Variants in DNASE2B observed in about 807,000 individuals in gnomAD.
DNASE2B encodes the protein deoxyribonuclease-2-beta.
In DNASE2B, 43 loss-of-function variants were observed where a neutral mutation model predicts 46.0. That is an observed-to-expected ratio of 0.94 (90% confidence interval 0.73 to 1.21). DNASE2B has a LOEUF of 1.21. Among genes scored for constraint, DNASE2B ranks in the 50% most tolerant of loss-of-function variants. The probability of loss-of-function intolerance (pLI) is 0.00; values close to 1 mark genes in which losing one functional copy is unlikely to be tolerated. For synonymous variants in DNASE2B, 156 were observed against 152.5 expected, an observed-to-expected ratio of 1.02 and a Z score of -0.17; for missense variants, 395 against 414.4, an observed-to-expected ratio of 0.95 and a Z score of 0.41.
chr1:84,413,987 C>T (rs1680646860), intron 5 of DNASE2B, among the ~76,000 whole-genome samples: 1 of 152,202 alleles, frequency 6.6e-6, no homozygotes, highest in Non-Finnish European at 1.5e-5. Context: ...ATGGGTCACA[C>T]CTGTGTTTAT....
chr1:84,401,023 T>G (rs541694666), intron 1 of DNASE2B, among the ~76,000 whole-genome samples: 1 of 152,152 alleles, frequency 6.6e-6, no homozygotes, highest in East Asian at 1.9e-4. Context: ...ATGGTAATAG[T>G]GTATATATTA....
Position 84,409,228 on chromosome 1 carries a change from T to C in DNASE2B, c.385+710T>C, listed in dbSNP as rs188359659. On this transcript the variant is annotated intron_variant, in intron 3 of 5. Transcript: ENST00000370665. ...TTAAAACATTTTTACAAAACTACTG[T>C]AATGACTATTTTTCAACCTTTTTTC... Among the ~76,000 whole-genome samples the C allele has an allele frequency of 3.9e-5, 6 of 152,320 alleles. No individual in the cohort carries two copies. In the East Asian group the frequency reaches 1.2e-3, roughly 29 times the overall value.
chr1:84,411,443 TGTG>T (rs1558503392), intron 4 of DNASE2B, among the ~76,000 whole-genome samples: 8 of 17,596 alleles, frequency 4.5e-4, no homozygotes, highest in African/African-American at 1.9e-3. Context: ...TGTGTGTGTG[TGTG>T]TGTGTGTGTG....
chr1:84,411,208 G>T (rs962875256), intron 4 of DNASE2B, among the ~76,000 whole-genome samples: 1 of 152,124 alleles, frequency 6.6e-6, no homozygotes, highest in African/African-American at 2.4e-5. Context: ...TGTTGAACTT[G>T]ATCAGGGCAG....
chr1:84,412,495 G>T lies in DNASE2B; in HGVS notation c.694G>T (p.Ala232Ser). Residue 232 changes from alanine (A) to serine (S), a missense_variant, in exon 5 of 6, where the codon GCC becomes TCC. Physicochemically the swap from Ala to Ser is moderately conservative, Grantham distance 99 (BLOSUM62 1). Coordinates refer to ENST00000370665, the MANE Select transcript of DNASE2B (RefSeq NM_021233.3). ...PGRLLTTLQS[A>S]QGQKFLHFAK... is the part of the protein sequence containing the mutation. ...CAGGCTCCTCACCACACTTCAGTCG[G>T]CCCAGGGACAAAAATTCCTCCATTT... The T allele has an allele frequency of 1.9e-6, 3 of 1,612,866 alleles. No individual in the cohort carries two copies. The highest frequency in any genetic ancestry group is 2.5e-6 in the Non-Finnish European group (3 of 1,179,524).
intron 1 of DNASE2B, among the ~76,000 whole-genome samples, chr1:84,399,853 A>C (rs766027540): frequency 3.9e-5 from 6 of 152,176 alleles, no homozygotes; most frequent in Non-Finnish European, 8.8e-5. Flanking sequence ...GTGAATGGTC[A>C]GATTTGCACT....
chr1:84,403,229 A>C (rs1413897191), intron 2 of DNASE2B, among the ~76,000 whole-genome samples: 1 of 152,196 alleles, frequency 6.6e-6, no homozygotes, highest in Non-Finnish European at 1.5e-5. Flanking sequence ...GCCGTCAAAA[A>C]TTTATGTACA....
intron 4 of DNASE2B, 115 bp downstream of exon 4, chr1:84,411,114 CTAGATTCTAA>C: frequency 9.6e-6 from 12 of 1,252,738 alleles, no homozygotes; most frequent in Non-Finnish European, 1.3e-5. Flanking sequence ...CCTCTGATAC[CTAGATTCTAA>C]TACTGGCTTT....
In DNASE2B at chr1:84,414,895, C is replaced by A; in HGVS notation, c.*27C>A. The A allele has an allele frequency of 6.5e-7, 1 of 1,537,098 alleles. No individual in the cohort carries two copies. The highest frequency in any genetic ancestry group is 1.2e-5 in the South Asian group (1 of 83,886). ...CTTGGTGAAAGGACACAGGTACTAT[C>A]ATTGAAAACCTTGACAATGGGTCTT... On this transcript the variant is annotated 3_prime_UTR_variant, in exon 6 of 6. Transcript: ENST00000370665.
At chr1:84,405,057 A>G (rs1570301317) in intron 2 of DNASE2B, among the ~76,000 whole-genome samples, 1 of 152,284 alleles carries the variant, frequency 6.6e-6, no homozygotes, top group African/African-American at 2.4e-5. Flanking sequence ...TCTTGATGGC[A>G]TCTGGGAATT....
intron 5 of DNASE2B, among the ~76,000 whole-genome samples, chr1:84,414,244 T>A (rs1343113125): frequency 6.6e-6 from 1 of 152,148 alleles, no homozygotes; most frequent in Non-Finnish European, 1.5e-5. Context: ...TTTCCAAAGG[T>A]CTTTCCAGGA....
chr1:84,409,406 A>C (rs996536081), intron 3 of DNASE2B, among the ~76,000 whole-genome samples: 5 of 152,184 alleles, frequency 3.3e-5, no homozygotes, highest in African/African-American at 9.7e-5. Context: ...TTTCCAGGAG[A>C]TGTTGAAAAT....
intron 2 of DNASE2B, among the ~76,000 whole-genome samples, chr1:84,406,211 C>T (rs1035299619): frequency 6.6e-6 from 1 of 152,106 alleles, no homozygotes. Flanking sequence ...GCAGCTGCTT[C>T]TGCTTTCCAG....
Position 84,409,675 on chromosome 1 carries a change from C to A in DNASE2B, c.385+1157C>A, listed in dbSNP as rs956835868. On this transcript the variant is annotated intron_variant, in intron 3 of 5. Transcript: ENST00000370665. ...AACAATTTTCATAACATGCTACATT[C>A]TTCAACCTCTCCTCCAACAATCTCC... Among the ~76,000 whole-genome samples, 9 of 152,298 alleles carry A rather than the reference C, an allele frequency of 5.9e-5. 2 individuals carry two copies. The highest frequency in any genetic ancestry group is 2.2e-4 in the African/African-American group (9 of 41,576).
At chr1:84,400,630 G>A (rs1224855099) in intron 1 of DNASE2B, among the ~76,000 whole-genome samples, 2 of 152,176 alleles carry the variant, frequency 1.3e-5, no homozygotes, top group Admixed American at 1.3e-4. Flanking sequence ...AGTCACCCAG[G>A]AAAAATGTTT....
intron 2 of DNASE2B, among the ~76,000 whole-genome samples, chr1:84,406,318 A>G (rs1337054960): frequency 2.0e-5 from 3 of 152,208 alleles, no homozygotes; most frequent in Non-Finnish European, 2.9e-5. Context: ...AGGAAGAAGG[A>G]AAGAGCAACA....
intron 1 of DNASE2B, among the ~76,000 whole-genome samples, chr1:84,399,502 C>G (rs1347071737): frequency 6.6e-6 from 1 of 152,080 alleles, no homozygotes; most frequent in Non-Finnish European, 1.5e-5. Flanking sequence ...GTGGTAAGGG[C>G]ATAGGTGGAA....
intron 2 of DNASE2B, among the ~76,000 whole-genome samples, chr1:84,405,082 T>A (rs903601052): frequency 1.3e-5 from 2 of 152,178 alleles, no homozygotes; most frequent in Non-Finnish European, 2.9e-5. Context: ...TGCTGCCTCT[T>A]GGTCAGCAAA....
rs1435196860 is a variant in DNASE2B, at chr1:84,398,527, A to G, written c.-38A>G. 6.2e-7 allele frequency: 1 copy of G among 1,610,596 alleles called. No homozygotes were observed. The highest frequency in any genetic ancestry group is 8.5e-7 in the Non-Finnish European group (1 of 1,177,924). On this transcript the variant is annotated 5_prime_UTR_variant, in exon 1 of 6. Coordinates refer to ENST00000370665, the MANE Select transcript of DNASE2B (RefSeq NM_021233.3). ...GAGCGCCTTGAAACTCAGACTCCAC[A>G]ATCTATGGGGAAAGTGTCCTGCTGT...
Sources: gnomAD v4.1 joint callset for allele counts (sites outside exome capture counted in the v4.1 genomes callset) on GRCh38, gnomAD v4.1.1 for gene constraint, MANE v1.5 for transcripts, NCBI Gene and HGNC (gene_info 2026-07-23, HGNC 2026-07-21) for gene names.